CDH13: variants seen among roughly 807,000 people sequenced by gnomAD.
CDH13 encodes the protein cadherin 13, also known as cadherin-13.
A neutral mutation model predicts 63.8 loss-of-function variants in CDH13; 24 were observed. That is an observed-to-expected ratio of 0.38 (90% CI 0.27 to 0.53). CDH13 has a LOEUF of 0.53. Ranked by LOEUF, CDH13 falls within the 20% of genes least tolerant of loss-of-function variation. The probability of loss-of-function intolerance (pLI) is 0.85; values close to 1 mark genes in which losing one functional copy is unlikely to be tolerated. For synonymous variants in CDH13, 503 were observed against 355.3 expected, an observed-to-expected ratio of 1.42 and a Z score of -4.67; for missense variants, 1,049 against 903.1, an observed-to-expected ratio of 1.16 and a Z score of -2.07.
rs557146200 is a variant in CDH13, at chr16:82,762,643, T to G, written c.46-95719T>G. On this transcript the variant is annotated intron_variant, in intron 1 of 13. Transcript: ENST00000567109. The stretch of plus-strand genomic sequence containing the variant: ...CTGGCTGGGTCACTGCTTCCATGAC[T>G]GTTTATTAAAATCCCCTGGCCAAAC... 2.6e-5 allele frequency among the ~76,000 whole-genome samples: 4 copies of G among 152,332 alleles called. No homozygotes were observed. In the South Asian group the frequency reaches 8.3e-4, roughly 32 times the overall value.
intron 3 of CDH13, among the ~76,000 whole-genome samples, chr16:83,107,033 GAC>G (rs141710269): frequency 3.3e-5 from 5 of 152,010 alleles, no homozygotes; most frequent in East Asian, 1.9e-4. Flanking sequence ...CAGACAGACA[GAC>G]ACACACACAC....
intron 1 of CDH13, among the ~76,000 whole-genome samples, chr16:82,737,242 A>G (rs1009359674): frequency 6.6e-6 from 1 of 152,202 alleles, no homozygotes; most frequent in Non-Finnish European, 1.5e-5. Context: ...TGCTATTTCC[A>G]TTCACTTGGT....
chr16:83,230,723 G>C (rs975659459), intron 5 of CDH13, among the ~76,000 whole-genome samples: 1 of 152,150 alleles, frequency 6.6e-6, no homozygotes, highest in African/African-American at 2.4e-5. Context: ...GGAGGTGGAG[G>C]TAGTGGTGAG....
chr16:83,118,812 G>C (rs1184988015), intron 3 of CDH13, among the ~76,000 whole-genome samples: 4 of 152,182 alleles, frequency 2.6e-5, no homozygotes, highest in African/African-American at 9.6e-5. Flanking sequence ...CCTCTTCTCT[G>C]AGGCTGATGT....
chr16:83,235,043 A>G (rs996027197), intron 5 of CDH13, among the ~76,000 whole-genome samples: 10 of 152,278 alleles, frequency 6.6e-5, no homozygotes, highest in African/African-American at 1.9e-4. Flanking sequence ...AAGTAAACAA[A>G]TAGATAAATA....
In CDH13 at chr16:83,718,860, G is replaced by A. The variant is rs1343610829; in HGVS notation, c.1539-29248G>A. 3.3e-5 allele frequency among the ~76,000 whole-genome samples: 5 copies of A among 152,130 alleles called. No individual in the cohort carries two copies. In the South Asian group the frequency reaches 6.2e-4, roughly 19 times the overall value. On this transcript the variant is annotated intron_variant, in intron 10 of 13. Transcript: ENST00000567109. ...CCCTGTATTCTTCTTGTCTCATGGGGAGCAAGGGAGCTGAGGTATAAGTAC... is the reference window on the plus strand; with the variant it reads ...CCCTGTATTCTTCTTGTCTCATGGGAAGCAAGGGAGCTGAGGTATAAGTAC...
chr16:82,868,877 G>A (rs1037773922), intron 2 of CDH13, among the ~76,000 whole-genome samples: 7 of 152,136 alleles, frequency 4.6e-5, no homozygotes, highest in Non-Finnish European at 1.0e-4. Context: ...ATCTAAGGCC[G>A]ATCCTTTACC....
At chr16:82,666,351 T>C (rs920507670) in intron 1 of CDH13, among the ~76,000 whole-genome samples, 1 of 152,216 alleles carries the variant, frequency 6.6e-6, no homozygotes, top group Non-Finnish European at 1.5e-5. Context: ...TTGATCCTAC[T>C]TTCAAAGGCA....
At chr16:83,093,609 T>G (rs931094265) in intron 3 of CDH13, among the ~76,000 whole-genome samples, 5 of 152,088 alleles carry the variant, frequency 3.3e-5, no homozygotes, top group Non-Finnish European at 2.9e-5. Flanking sequence ...CATGAACCAC[T>G]GCTCCCAGCC....
At chr16:82,731,993 T>C (rs1037659787) in intron 1 of CDH13, among the ~76,000 whole-genome samples, 5 of 152,186 alleles carry the variant, frequency 3.3e-5, no homozygotes, top group African/African-American at 1.2e-4. Context: ...ACCTAACTCC[T>C]CCTTCTTTGA....
intron 1 of CDH13, among the ~76,000 whole-genome samples, chr16:82,775,044 G>A (rs966697121): frequency 3.3e-5 from 5 of 152,174 alleles, no homozygotes; most frequent in Non-Finnish European, 7.3e-5. Context: ...ATCCTCCCAC[G>A]TGCTGGAAGG....
intron 11 of CDH13, among the ~76,000 whole-genome samples, chr16:83,761,382 A>C (rs149651038): frequency 6.6e-6 from 1 of 152,338 alleles, no homozygotes; most frequent in African/African-American, 2.4e-5. Context: ...CCTTGGCTAG[A>C]TTACATTTCA....
At chr16:83,021,280 A>G (rs532017111) in intron 2 of CDH13, among the ~76,000 whole-genome samples, 1 of 152,338 alleles carries the variant, frequency 6.6e-6, no homozygotes, top group South Asian at 2.1e-4. Context: ...AACAGGGTTG[A>G]GTATGTACTG....
At chr16:83,010,610 TTG>T (rs1180630652) in intron 2 of CDH13, among the ~76,000 whole-genome samples, 1 of 152,202 alleles carries the variant, frequency 6.6e-6, no homozygotes, top group Non-Finnish European at 1.5e-5. Context: ...CACTTTGTAG[TTG>T]TCCAGAATAT....
intron 7 of CDH13, among the ~76,000 whole-genome samples, chr16:83,513,524 G>A (rs1359266902): frequency 3.3e-5 from 5 of 152,122 alleles, no homozygotes; most frequent in African/African-American, 9.7e-5. Flanking sequence ...AGTTCTTTGT[G>A]GTTGGGAAGG....
chr16:82,868,530 C>A (rs2040231549), intron 2 of CDH13, among the ~76,000 whole-genome samples: 1 of 152,160 alleles, frequency 6.6e-6, no homozygotes, highest in African/African-American at 2.4e-5. Flanking sequence ...TGGGTCCTAA[C>A]TTGTTCTTTA....
chr16:82,815,399 G>C (rs2037655311), intron 1 of CDH13, among the ~76,000 whole-genome samples: 1 of 152,132 alleles, frequency 6.6e-6, no homozygotes, highest in African/African-American at 2.4e-5. Flanking sequence ...GTGGTTGTGA[G>C]GATTACACGA....
intron 6 of CDH13, among the ~76,000 whole-genome samples, chr16:83,358,002 A>T (rs746927740): frequency 9.9e-5 from 15 of 152,172 alleles, no homozygotes; most frequent in South Asian, 8.3e-4. Context: ...GGATGCTATG[A>T]TCATCTCTAT....
At chr16:83,729,948 C>G (rs1340334347) in intron 10 of CDH13, among the ~76,000 whole-genome samples, 1 of 152,182 alleles carries the variant, frequency 6.6e-6, no homozygotes, top group Non-Finnish European at 1.5e-5. Context: ...CTGGCCATTG[C>G]CAAGTCATTA....
Sources: gnomAD v4.1 joint callset for allele counts (sites outside exome capture counted in the v4.1 genomes callset) on GRCh38, gnomAD v4.1.1 for gene constraint, MANE v1.5 for transcripts, NCBI Gene and HGNC (gene_info 2026-07-23, HGNC 2026-07-21) for gene names.